TLL2: variants seen among roughly 807,000 people sequenced by gnomAD.
TLL2 encodes the protein tolloid like 2, also known as tolloid-like protein 2.
In TLL2, 106 loss-of-function variants were observed where a neutral mutation model predicts 123.0. The observed-to-expected ratio is 0.86, with a 90% CI of 0.74 to 1.01. The LOEUF is 1.01. Ranked by LOEUF, TLL2 falls within the 50% of genes least tolerant of loss-of-function variation. TLL2 has a pLI of 0.00. For synonymous variants in TLL2, 494 were observed against 516.8 expected, an observed-to-expected ratio of 0.96 and a Z score of 0.60; for missense variants, 1,332 against 1,336.7, an observed-to-expected ratio of 1.00 and a Z score of 0.06.
At chr10:96,437,908 A>C (rs1383695296) in intron 3 of TLL2, among the ~76,000 whole-genome samples, 1 of 152,178 alleles carries the variant, frequency 6.6e-6, no homozygotes, top group Non-Finnish European at 1.5e-5. Context: ...TGGGACACAT[A>C]TCAAAGAGGG....
At chr10:96,374,027 G>T in intron 18 of TLL2, 1 of 560,746 alleles carries the variant, frequency 1.8e-6, no homozygotes, top group Non-Finnish European at 3.2e-6. Context: ...CTATGAAGTA[G>T]TTACATGAGC....
chr10:96,479,910 C>A (rs1240587713), intron 2 of TLL2, among the ~76,000 whole-genome samples: 1 of 152,226 alleles, frequency 6.6e-6, no homozygotes, highest in Admixed American at 6.5e-5. Context: ...CTCCTACTCA[C>A]CCTTCAAGAC....
intron 10 of TLL2, among the ~76,000 whole-genome samples, chr10:96,403,586 C>T (rs1380189681): frequency 6.6e-6 from 1 of 152,190 alleles, no homozygotes; most frequent in East Asian, 1.9e-4. Flanking sequence ...GGGCACAGTG[C>T]ACCTCTGCCC....
chr10:96,429,332 A>T (rs1451233926), intron 4 of TLL2, among the ~76,000 whole-genome samples: 1 of 149,012 alleles, frequency 6.7e-6, no homozygotes, highest in Non-Finnish European at 1.5e-5. Flanking sequence ...CCTTGAATAT[A>T]TACAATTTTT....
intron 1 of TLL2, among the ~76,000 whole-genome samples, chr10:96,505,557 A>T (rs1847570602): frequency 6.6e-6 from 1 of 152,226 alleles, no homozygotes; most frequent in South Asian, 2.1e-4. Context: ...CTATGTGGGT[A>T]GATATTAGTA....
intron 3 of TLL2, among the ~76,000 whole-genome samples, chr10:96,445,200 T>A (rs879299692): frequency 2.0e-5 from 3 of 151,944 alleles, no homozygotes; most frequent in African/African-American, 7.2e-5. Context: ...AAAAAAAAAA[T>A]TTTTCTTTTG....
At chr10:96,413,095 A>G (rs769428165) in intron 8 of TLL2, 97 bp downstream of exon 8, 18 of 1,535,288 alleles carry the variant, frequency 1.2e-5, no homozygotes, top group Non-Finnish European at 1.6e-5. Flanking sequence ...CTGCCAAGGA[A>G]TAGTCCCTTT....
At chr10:96,487,528 G>A (rs1589434835) in intron 1 of TLL2, among the ~76,000 whole-genome samples, 2 of 152,160 alleles carry the variant, frequency 1.3e-5, no homozygotes, top group African/African-American at 2.4e-5. Context: ...GGCAGCACAC[G>A]CCAGGCATTG....
intron 1 of TLL2, among the ~76,000 whole-genome samples, chr10:96,493,653 G>A (rs1056010952): frequency 6.6e-6 from 1 of 152,034 alleles, no homozygotes; most frequent in African/African-American, 2.4e-5. Context: ...GAGCACCCAG[G>A]GTGGAGAGGG....
chr10:96,443,201 A>G (rs1438991214), intron 3 of TLL2, among the ~76,000 whole-genome samples: 5 of 152,220 alleles, frequency 3.3e-5, no homozygotes, highest in African/African-American at 1.2e-4. Context: ...AGGTCATGCC[A>G]CTTCTCTCGT....
In TLL2 at chr10:96,373,588, C is replaced by G. The variant is rs1053497544; in HGVS notation, c.2662+8G>C. 1.1e-5 allele frequency: 17 copies of G among 1,613,598 alleles called. No homozygotes were observed. Among genetic ancestry groups the G allele is most frequent in the Non-Finnish European group, 1.4e-5 (17 of 1,179,668 alleles). On this transcript the variant is annotated splice_region_variant and intron_variant, in intron 19 of 20. Coordinates refer to ENST00000357947, the MANE Select transcript of TLL2 (RefSeq NM_012465.4). ...ATCAGGTGGAAGCCAGTGTCCCACC[C>G]CAGGTACCTGTGCTGTGCACTGCCT...
chr10:96,422,612 G>A lies in TLL2; in HGVS notation c.754C>T (p.His252Tyr). ...HELGHVVGFW[H>Y]EHTRPDRDQH... is the part of the protein sequence containing the mutation. ...TCTCTGTCTGGCCGGGTGTGTTCAT[G>A]CCAAAACCCAACCACATGGCCCAGC... The change falls in exon 6 of 21, where the codon CAT becomes TAT. Residue 252 changes from histidine (H) to tyrosine (Y), a missense_variant. Coordinates refer to ENST00000357947, the MANE Select transcript of TLL2 (RefSeq NM_012465.4). 1 of 1,614,148 alleles carries A rather than the reference G, an allele frequency of 6.2e-7. No individual in the cohort carries two copies. Among genetic ancestry groups the A allele is most frequent in the Non-Finnish European group, 8.5e-7 (1 of 1,180,028 alleles).
intron 10 of TLL2, among the ~76,000 whole-genome samples, chr10:96,401,608 C>T (rs562838319): frequency 6.6e-6 from 1 of 150,762 alleles, no homozygotes; most frequent in East Asian, 1.9e-4. Flanking sequence ...CAAAAACCAT[C>T]ACCACCACCA....
At chr10:96,437,934 T>A (rs927519033) in intron 3 of TLL2, among the ~76,000 whole-genome samples, 3 of 152,208 alleles carry the variant, frequency 2.0e-5, no homozygotes, top group Admixed American at 1.3e-4. Flanking sequence ...CTGGCTCATA[T>A]AGTAATTGGG....
intron 13 of TLL2, among the ~76,000 whole-genome samples, chr10:96,389,441 G>T (rs1846264445): frequency 6.6e-6 from 1 of 152,132 alleles, no homozygotes; most frequent in Non-Finnish European, 1.5e-5. Flanking sequence ...AGGTGGGAGT[G>T]GAGCAGTGCA....
At position 96,384,772 on chromosome 10, in the gene TLL2, A is replaced by G; in HGVS notation, c.2014-5T>C. The G allele has an allele frequency of 6.4e-7, 1 of 1,571,416 alleles. No homozygotes were observed. The highest frequency in any genetic ancestry group is 8.7e-7 in the Non-Finnish European group (1 of 1,151,412). On this transcript the variant is annotated splice_region_variant and splice_polypyrimidine_tract_variant and intron_variant, in intron 15 of 20. Transcript: ENST00000357947. The stretch of plus-strand genomic sequence containing the variant: ...TACAAAGTCGTACTTACAGACCTGC[A>G]AGGGAGCATGATGGGGAGCTTCCCA...
intron 2 of TLL2, among the ~76,000 whole-genome samples, chr10:96,478,347 A>T (rs1847279635): frequency 6.6e-6 from 1 of 152,218 alleles, no homozygotes; most frequent in Non-Finnish European, 1.5e-5. Flanking sequence ...TCCTGCACAG[A>T]CACCACTCCT....
intron 1 of TLL2, among the ~76,000 whole-genome samples, chr10:96,492,240 G>T (rs1160598072): frequency 6.6e-6 from 1 of 151,288 alleles, no homozygotes; most frequent in East Asian, 1.9e-4. Context: ...AAAAAAAAAG[G>T]CCATGAGGGA....
chr10:96,370,339 T>G (rs1056765103), intron 19 of TLL2, 24 bp from the exon 20 acceptor site: 1 of 1,540,584 alleles, frequency 6.5e-7, no homozygotes, highest in African/African-American at 1.4e-5. Context: ...AAGTGAGATG[T>G]CCCCTCAGCA....
Sources: gnomAD v4.1 joint callset for allele counts (sites outside exome capture counted in the v4.1 genomes callset) on GRCh38, gnomAD v4.1.1 for gene constraint, MANE v1.5 for transcripts, NCBI Gene and HGNC (gene_info 2026-07-23, HGNC 2026-07-21) for gene names.